GRHL1: variants seen among roughly 807,000 people sequenced by gnomAD.
GRHL1 encodes the protein grainyhead-like protein 1 homolog.
In GRHL1, 38 loss-of-function variants were observed where a neutral mutation model predicts 75.7. The observed-to-expected ratio is 0.50, with a 90% CI of 0.39 to 0.66. GRHL1 has a LOEUF of 0.66. Among genes scored for constraint, GRHL1 ranks in the 30% least tolerant of loss-of-function variants. The pLI is 0.00. For synonymous variants in GRHL1, 266 were observed against 279.4 expected, an observed-to-expected ratio of 0.95 and a Z score of 0.48; for missense variants, 589 against 767.5, an observed-to-expected ratio of 0.77 and a Z score of 2.75.
chr2:9,967,788 T>C (rs1489125731), intron 8 of GRHL1, among the ~76,000 whole-genome samples: 1 of 152,158 alleles, frequency 6.6e-6, no homozygotes, highest in Non-Finnish European at 1.5e-5. Flanking sequence ...GAATCCTGTA[T>C]AGTTGGTTTT....
In GRHL1 at chr2:9,992,076, T is replaced by C. The variant is rs149425025; in HGVS notation, c.1391T>C (p.Ile464Thr). ...RMDITVFKPF[I>T]DLDTQPVLFI... is the part of the protein sequence containing the mutation. ...GATATCACAGTTTTCAAACCCTTCA[T>C]TGATCTCGATACTCAGCCTGTCCTC... Residue 464 changes from isoleucine (I) to threonine (T), a missense_variant, in exon 11 of 16, where the codon ATT becomes ACT. Transcript: ENST00000324907. The surrounding 1 kb of genome is among the most constrained non-coding windows in gnomAD (Gnocchi z 4.6). 139 of 1,613,860 alleles carry C rather than the reference T, an allele frequency of 8.6e-5. No individual in the cohort carries two copies. The African/African-American group carries it at 1.7e-3, about 19-fold the overall frequency.
rs1481792884 is a variant in GRHL1, at chr2:9,992,605, C to T, written c.1461+459C>T. On this transcript the variant is annotated intron_variant, in intron 11 of 15. Transcript: ENST00000324907. The surrounding 1 kb of genome is among the most constrained non-coding windows in gnomAD (Gnocchi z 4.6). ...GTTACCAATGGCCATGTCTTGGCAACTAAAACTAAATTTTAAAAAATGGTC... is the reference window on the plus strand; with the variant it reads ...GTTACCAATGGCCATGTCTTGGCAATTAAAACTAAATTTTAAAAAATGGTC... Among the ~76,000 whole-genome samples, 1 of 152,154 alleles carries T rather than the reference C, an allele frequency of 6.6e-6. No homozygotes were observed.
chr2:9,953,034 G>A (rs1392841045), intron 1 of GRHL1: 2 of 456,798 alleles, frequency 4.4e-6, no homozygotes, highest in South Asian at 3.1e-5. Context: ...TGACTGTCAT[G>A]AGGAAGTGGA....
At chr2:9,972,553 A>G (rs1405235593) in intron 8 of GRHL1, among the ~76,000 whole-genome samples, 1 of 152,140 alleles carries the variant, frequency 6.6e-6, no homozygotes, top group Non-Finnish European at 1.5e-5. Flanking sequence ...CACTCCCTAC[A>G]TTAACTTAGG....
At chr2:9,980,994 T>A (rs186773206) in intron 8 of GRHL1, among the ~76,000 whole-genome samples, 22 of 152,376 alleles carry the variant, frequency 1.4e-4, no homozygotes, top group Admixed American at 3.9e-4. Context: ...TGAACAGCCC[T>A]GTGGTCTTGC....
chr2:9,999,389 G>A (rs1016361523), intron 15 of GRHL1, among the ~76,000 whole-genome samples: 3 of 152,260 alleles, frequency 2.0e-5, no homozygotes, highest in Admixed American at 2.0e-4. Context: ...ACACTCCAGG[G>A]TGTGTGGCCA....
Position 9,987,867 on chromosome 2 carries a change from G to C in GRHL1, c.1269+1585G>C, listed in dbSNP as rs1668490396. On this transcript the variant is annotated intron_variant, in intron 9 of 15. Coordinates refer to ENST00000324907, the MANE Select transcript of GRHL1 (RefSeq NM_198182.3). The surrounding 1 kb of genome is among the most constrained non-coding windows in gnomAD (Gnocchi z 4.2). ...GAGTTTTTCCTACTCAAAAATATTGGACCTATTTTTGGCAGGGGACGGGGG... is the reference window on the plus strand; with the variant it reads ...GAGTTTTTCCTACTCAAAAATATTGCACCTATTTTTGGCAGGGGACGGGGG... 6.6e-6 allele frequency among the ~76,000 whole-genome samples: 1 copy of C among 152,122 alleles called. No homozygotes were observed. Among genetic ancestry groups the C allele is most frequent in the South Asian group, 2.1e-4 (1 of 4,820 alleles).
intron 12 of GRHL1, chr2:9,995,223 A>G (rs1012752284): frequency 6.6e-6 from 1 of 152,198 alleles, no homozygotes; most frequent in African/African-American, 2.4e-5. Context: ...AGTGTTTTGA[A>G]ACATCATCTC....
rs1430370843 is a variant in GRHL1, at chr2:9,971,273, C to T, written c.1110+5892C>T. Among the ~76,000 whole-genome samples the T allele has an allele frequency of 3.3e-5, 5 of 152,122 alleles. No individual in the cohort carries two copies. In the South Asian group the frequency reaches 8.3e-4, roughly 25 times the overall value. On this transcript the variant is annotated intron_variant, in intron 8 of 15. Transcript: ENST00000324907. ...TGTTGCCACGTGTGGTTCCATTAGG[C>T]AGGGACAGGTTTGGTTTGTTTCACA...
chr2:9,956,436 A>G (rs1487519302), intron 2 of GRHL1, among the ~76,000 whole-genome samples: 3 of 152,094 alleles, frequency 2.0e-5, no homozygotes, highest in African/African-American at 4.8e-5. Context: ...TGGGAGGATC[A>G]CTTAAGCCTG....
chr2:9,988,348 G>A (rs527769091), intron 9 of GRHL1, among the ~76,000 whole-genome samples: 1 of 152,290 alleles, frequency 6.6e-6, no homozygotes, highest in East Asian at 1.9e-4. Flanking sequence ...TTACTTCCTT[G>A]TAATAATCCT....
At chr2:9,959,774 A>T (rs894213462) in intron 3 of GRHL1, 1 of 152,040 alleles carries the variant, frequency 6.6e-6, no homozygotes. Flanking sequence ...TTTTTATTTT[A>T]TTTATTTTTG....
chr2:9,986,810 G>C (rs142249999), intron 9 of GRHL1, among the ~76,000 whole-genome samples: 1 of 152,116 alleles, frequency 6.6e-6, no homozygotes, highest in Admixed American at 6.5e-5. Context: ...GGGCTCAAGC[G>C]ATCCCCCAAA....
intron 2 of GRHL1, among the ~76,000 whole-genome samples, chr2:9,956,751 C>A (rs531812638): frequency 6.6e-6 from 1 of 152,264 alleles, no homozygotes; most frequent in South Asian, 2.1e-4. Flanking sequence ...TATTGACTTA[C>A]TATAAATTAA....
At chr2:9,972,190 T>A (rs1196260260) in intron 8 of GRHL1, among the ~76,000 whole-genome samples, 2 of 151,984 alleles carry the variant, frequency 1.3e-5, no homozygotes, top group African/African-American at 2.4e-5. Context: ...GAATTCCTTT[T>A]TCTTTTTTTT....
rs936268778 is a variant in GRHL1, at chr2:9,990,938, T to G, written c.1321+191T>G. On this transcript the variant is annotated intron_variant, in intron 10 of 15. Coordinates refer to ENST00000324907, the MANE Select transcript of GRHL1 (RefSeq NM_198182.3). The surrounding 1 kb of genome is among the most constrained non-coding windows in gnomAD (Gnocchi z 4.2). ...GCAGATGCCAGCTCAGCGGGAGGGG[T>G]TTTCCTGGGGACTACAGGATAGATC... Among the ~76,000 whole-genome samples, 5 of 151,672 alleles carry G rather than the reference T, an allele frequency of 3.3e-5. No individual in the cohort carries two copies. Among genetic ancestry groups the G allele is most frequent in the Admixed American group, 2.6e-4 (4 of 15,226 alleles).
At chr2:9,974,214 G>C (rs1054159260) in intron 8 of GRHL1, among the ~76,000 whole-genome samples, 2 of 152,168 alleles carry the variant, frequency 1.3e-5, no homozygotes, top group African/African-American at 2.4e-5. Flanking sequence ...TATCTTCAAA[G>C]CCTGAGGCTC....
intron 8 of GRHL1, among the ~76,000 whole-genome samples, chr2:9,975,852 T>C (rs1667927039): frequency 6.6e-6 from 1 of 151,974 alleles, no homozygotes; most frequent in Non-Finnish European, 1.5e-5. Context: ...CACCATTGCA[T>C]TCCAGCCTGG....
chr2:9,958,670 G>A (rs1667141742), intron 2 of GRHL1, 116 bp from the exon 3 acceptor site: 3 of 736,008 alleles, frequency 4.1e-6, no homozygotes, highest in Non-Finnish European at 7.0e-6. Flanking sequence ...GTGTTTGCTA[G>A]GCAACCAGTA....
Sources: allele counts gnomAD v4.1 joint callset (sites outside exome capture counted in the v4.1 genomes callset), GRCh38; gene constraint gnomAD v4.1.1; non-coding constraint Gnocchi (gnomAD v3.1); transcripts MANE v1.5; gene names NCBI Gene and HGNC (gene_info 2026-07-23, HGNC 2026-07-21).